NKAIN3: variants seen among roughly 807,000 people sequenced by gnomAD.
NKAIN3 encodes the protein sodium/potassium transporting ATPase interacting 3.
NKAIN3 carries 25 observed loss-of-function variants against 30.2 expected under a neutral mutation model. The ratio of observed to expected loss-of-function variants is 0.83; its 90% CI spans 0.60 to 1.16. The LOEUF (loss-of-function observed/expected upper bound fraction) is 1.16, where lower values mean the gene tolerates loss of function less well. Among genes scored for constraint, NKAIN3 ranks in the 50% most tolerant of loss-of-function variants. The probability of loss-of-function intolerance (pLI) is 0.00; values close to 1 mark genes in which losing one functional copy is unlikely to be tolerated. For missense variants in NKAIN3, 225 were observed against 254.1 expected, an observed-to-expected ratio of 0.89 and a Z score of 0.78; for synonymous variants, 91 against 89.6, an observed-to-expected ratio of 1.02 and a Z score of -0.09.
intron 1 of NKAIN3, among the ~76,000 whole-genome samples, chr8:62,510,342 G>A (rs999161480): frequency 2.6e-5 from 4 of 152,122 alleles, no homozygotes; most frequent in Non-Finnish European, 5.9e-5. Flanking sequence ...TTTTGTCCCA[G>A]ACTGACCACC....
intron 4 of NKAIN3, among the ~76,000 whole-genome samples, chr8:62,774,556 T>C (rs1406442220): frequency 6.6e-6 from 1 of 152,176 alleles, no homozygotes; most frequent in Non-Finnish European, 1.5e-5. Flanking sequence ...CAAATATGAC[T>C]TTTCTTGTGT....
chr8:62,284,136 A>G (rs998446870), intron 1 of NKAIN3, among the ~76,000 whole-genome samples: 7 of 152,086 alleles, frequency 4.6e-5, no homozygotes, highest in African/African-American at 1.4e-4. Context: ...CAGAAGGGGT[A>G]TCAGAGAAAA....
chr8:62,500,702 G>A (rs1307164173), intron 1 of NKAIN3, among the ~76,000 whole-genome samples: 1 of 152,154 alleles, frequency 6.6e-6, no homozygotes, highest in Non-Finnish European at 1.5e-5. Context: ...ATGGGTTTGG[G>A]CAGGAAGGGA....
chr8:62,657,709 A>C (rs1319051884), intron 3 of NKAIN3, among the ~76,000 whole-genome samples: 1 of 152,198 alleles, frequency 6.6e-6, no homozygotes, highest in African/African-American at 2.4e-5. Context: ...GATGGTGCCA[A>C]CTATTGGTGC....
chr8:62,650,608 A>G (rs562695420), intron 3 of NKAIN3, among the ~76,000 whole-genome samples: 1 of 152,320 alleles, frequency 6.6e-6, no homozygotes, highest in Non-Finnish European at 1.5e-5. Context: ...GTAAGGCAAT[A>G]AAGATACATT....
intron 1 of NKAIN3, among the ~76,000 whole-genome samples, chr8:62,453,832 G>T (rs541128184): frequency 7.8e-4 from 119 of 152,112 alleles, no homozygotes; most frequent in Admixed American, 1.9e-3. Context: ...ACCAGGAAGA[G>T]ATTGAATCTC....
chr8:62,644,883 T>C (rs1038540986), intron 3 of NKAIN3, among the ~76,000 whole-genome samples: 1 of 152,178 alleles, frequency 6.6e-6, no homozygotes, highest in Non-Finnish European at 1.5e-5. Context: ...TTGTCTGCAT[T>C]CTACTCTGTT....
At chr8:62,824,144 A>C (rs1185216610) in intron 4 of NKAIN3, among the ~76,000 whole-genome samples, 1 of 152,116 alleles carries the variant, frequency 6.6e-6, no homozygotes, top group Non-Finnish European at 1.5e-5. Flanking sequence ...CAGCCATTGG[A>C]TATGGACTCT....
chr8:62,396,245 A>G (rs980619950), intron 1 of NKAIN3, among the ~76,000 whole-genome samples: 3 of 152,184 alleles, frequency 2.0e-5, no homozygotes, highest in Non-Finnish European at 4.4e-5. Context: ...TGTTTCCACT[A>G]TAGAAGCTTC....
At chr8:62,647,202 C>A (rs1242250492) in intron 3 of NKAIN3, among the ~76,000 whole-genome samples, 1 of 152,124 alleles carries the variant, frequency 6.6e-6, no homozygotes, top group Admixed American at 6.5e-5. Context: ...CCATCCCTTG[C>A]GATTCTGTAA....
chr8:62,887,659 T>A (rs564455928), intron 4 of NKAIN3, among the ~76,000 whole-genome samples: 3 of 152,288 alleles, frequency 2.0e-5, no homozygotes, highest in Non-Finnish European at 4.4e-5. Flanking sequence ...CTGTGTCTAG[T>A]CTAGTAATGA....
intron 3 of NKAIN3, among the ~76,000 whole-genome samples, chr8:62,612,842 G>C (rs557470847): frequency 6.6e-6 from 1 of 151,908 alleles, no homozygotes; most frequent in Admixed American, 6.6e-5. Context: ...TTATTTTCAC[G>C]TGATAACAAC....
rs541777814 is a variant in NKAIN3, at chr8:62,863,072, A to C, written c.472-55381A>C. On this transcript the variant is annotated intron_variant, in intron 4 of 6. Transcript: ENST00000623646. ...TCTAGGTGCTTTGATCCTCTGTATCATATATCTCTCAAGTTAAGAAAAGGG... is the reference window on the plus strand; with the variant it reads ...TCTAGGTGCTTTGATCCTCTGTATCCTATATCTCTCAAGTTAAGAAAAGGG... 2.6e-4 allele frequency: 273 copies of C among 1,035,198 alleles called. 2 individuals carry two copies. In the South Asian group the frequency reaches 3.0e-3, roughly 11 times the overall value. 64.1% of individuals were successfully genotyped at this position (1,035,198 alleles called of 1,614,324 possible). A position where few individuals can be genotyped will look rare whatever the true frequency, so the allele number is the denominator to read the frequency against.
chr8:62,378,994 A>G (rs1316894960), intron 1 of NKAIN3, among the ~76,000 whole-genome samples: 1 of 152,118 alleles, frequency 6.6e-6, no homozygotes, highest in African/African-American at 2.4e-5. Context: ...AGCAGCCTGG[A>G]TGGGGGCTGT....
At chr8:62,397,760 A>T (rs925062973) in intron 1 of NKAIN3, among the ~76,000 whole-genome samples, 7 of 152,198 alleles carry the variant, frequency 4.6e-5, no homozygotes, top group African/African-American at 1.4e-4. Flanking sequence ...GGCATCTGCC[A>T]GAAACCTGTG....
chr8:62,530,608 A>G (rs1563442687), intron 1 of NKAIN3, among the ~76,000 whole-genome samples: 1 of 151,978 alleles, frequency 6.6e-6, no homozygotes, highest in Non-Finnish European at 1.5e-5. Context: ...CCTGGTACAT[A>G]CGTATGTATG....
intron 4 of NKAIN3, among the ~76,000 whole-genome samples, chr8:62,807,790 C>CATAT (rs774432613): frequency 1.4e-5 from 2 of 145,940 alleles, no homozygotes; most frequent in African/African-American, 2.5e-5. Context: ...AAAATACATA[C>CATAT]ATATATATAT....
At chr8:62,698,570 G>T (rs1006010957) in intron 3 of NKAIN3, among the ~76,000 whole-genome samples, 1 of 152,152 alleles carries the variant, frequency 6.6e-6, no homozygotes, top group Non-Finnish European at 1.5e-5. Flanking sequence ...CTCTCATGGA[G>T]TTCTTACCAA....
intron 4 of NKAIN3, among the ~76,000 whole-genome samples, chr8:62,826,207 T>C (rs901013193): frequency 6.6e-6 from 1 of 152,102 alleles, no homozygotes; most frequent in Admixed American, 6.5e-5. Flanking sequence ...GGAAATACCA[T>C]GAAGGCAATT....
Sources: gnomAD v4.1 joint callset for allele counts (sites outside exome capture counted in the v4.1 genomes callset) on GRCh38, gnomAD v4.1.1 for gene constraint, MANE v1.5 for transcripts, NCBI Gene and HGNC (gene_info 2026-07-23, HGNC 2026-07-21) for gene names.